Variants in TENM3 observed in about 807,000 individuals in gnomAD.
TENM3 encodes teneurin-3.
A neutral mutation model predicts 255.1 loss-of-function variants in TENM3; 63 were observed. The observed-to-expected ratio is 0.25, with a 90% CI of 0.20 to 0.30. The LOEUF (loss-of-function observed/expected upper bound fraction) is 0.30, where lower values mean the gene tolerates loss of function less well. Among genes scored for constraint, TENM3 ranks in the 10% least tolerant of loss-of-function variants. The pLI, the probability that TENM3 is intolerant of heterozygous loss-of-function variation, is 1.00. For missense variants in TENM3, 2,929 were observed against 3,461.1 expected, an observed-to-expected ratio of 0.85 and a Z score of 3.86; for synonymous variants, 1,306 against 1,322.3, an observed-to-expected ratio of 0.99 and a Z score of 0.27.
intron 1 of TENM3, among the ~76,000 whole-genome samples, chr4:182,229,410 C>T (rs115986890): frequency 1.1e-4 from 16 of 152,160 alleles, no homozygotes; most frequent in Admixed American, 2.0e-4. Context: ...TCTGTGGTCC[C>T]GAGTGGGGAA....
At chr4:182,791,333 C>T (rs1427085305) in intron 25 of TENM3, among the ~76,000 whole-genome samples, 1 of 152,180 alleles carries the variant, frequency 6.6e-6, no homozygotes. Flanking sequence ...TTTGGCCCAG[C>T]GGGTTAGAGG....
At chr4:182,544,280 C>G (rs1424970726) in intron 3 of TENM3, among the ~76,000 whole-genome samples, 1 of 151,714 alleles carries the variant, frequency 6.6e-6, no homozygotes, top group East Asian at 1.9e-4. Flanking sequence ...TCAACTTTCC[C>G]CTGCAAGGCA....
At chr4:181,528,978 A>G in the TENM3 span, among the ~76,000 whole-genome samples, 2 of 152,386 alleles carry the variant, frequency 1.3e-5, no homozygotes, top group Admixed American at 1.3e-4. Flanking sequence ...GTATATGAGT[A>G]GCATAAATAA....
At chr4:182,191,365 C>T (rs921610264) in intron 1 of TENM3, among the ~76,000 whole-genome samples, 4 of 152,228 alleles carry the variant, frequency 2.6e-5, no homozygotes, top group East Asian at 1.9e-4. Flanking sequence ...GCCTTTTCTC[C>T]GGCTCTCTCC....
intron 16 of TENM3, among the ~76,000 whole-genome samples, chr4:182,731,869 C>T (rs904570522): frequency 1.3e-5 from 2 of 151,614 alleles, no homozygotes; most frequent in Admixed American, 6.6e-5. Flanking sequence ...GCAAGCTCCA[C>T]CTCCCGGGTT....
intron 13 of TENM3, among the ~76,000 whole-genome samples, chr4:182,717,416 C>A (rs1018396116): frequency 6.6e-6 from 1 of 152,178 alleles, no homozygotes; most frequent in African/African-American, 2.4e-5. Context: ...AAACAGCTGT[C>A]ATGTACGCTG....
the TENM3 span, among the ~76,000 whole-genome samples, chr4:181,699,472 A>AAT: frequency 4.5e-5 from 6 of 133,000 alleles, no homozygotes; most frequent in African/African-American, 1.8e-4. Context: ...AAAAAAAAAA[A>AAT]GAAAGAAAGA....
chr4:182,737,355 GT>G (rs1761248715), intron 17 of TENM3, among the ~76,000 whole-genome samples: 1 of 152,042 alleles, frequency 6.6e-6, no homozygotes, highest in East Asian at 1.9e-4. Flanking sequence ...CTCCCCCCAT[GT>G]TTCTTTCCTT....
the TENM3 span, among the ~76,000 whole-genome samples, chr4:181,816,848 T>C: frequency 6.6e-6 from 1 of 152,254 alleles, no homozygotes; most frequent in African/African-American, 2.4e-5. Flanking sequence ...CTTGGCTAGA[T>C]TATTGTCATA....
chr4:182,483,769 C>A (rs1397010844), intron 3 of TENM3, among the ~76,000 whole-genome samples: 1 of 151,974 alleles, frequency 6.6e-6, no homozygotes, highest in Admixed American at 6.6e-5. Context: ...GCTGGGGAGG[C>A]CTCAAGAGAC....
chr4:182,143,147 G>C (rs1749595634), upstream of TENM3: 2 of 167,302 alleles, frequency 1.2e-5, no homozygotes, highest in South Asian at 4.1e-4. This position sits in a 1 kb window ranked among gnomAD's most constrained non-coding sequence, Gnocchi z 4.3. Context: ...AATCTGAGGG[G>C]AGAATGGAGA....
the TENM3 span, chr4:182,084,716 A>T: frequency 6.6e-5 from 10 of 152,200 alleles, no homozygotes; most frequent in Non-Finnish European, 1.5e-4. Flanking sequence ...CTTAATTTTT[A>T]TTTACAAGGA....
At position 182,641,646 on chromosome 4, in the gene TENM3, G is replaced by C. The variant is rs528803959; in HGVS notation, c.989-12125G>C. On this transcript the variant is annotated intron_variant, in intron 5 of 27. Transcript: ENST00000511685. ...AGGTTCAAGTGAATCTCCTGCCTCAGCCTCCCGAGTAGCTGGGATTACAAG... is the reference window on the plus strand; with the variant it reads ...AGGTTCAAGTGAATCTCCTGCCTCACCCTCCCGAGTAGCTGGGATTACAAG... Among the ~76,000 whole-genome samples, 6 of 151,956 alleles carry C rather than the reference G, an allele frequency of 3.9e-5. No individual in the cohort carries two copies. The South Asian group carries it at 1.2e-3, about 32-fold the overall frequency.
chr4:182,134,269 A>C, the TENM3 span, among the ~76,000 whole-genome samples: 1 of 152,200 alleles, frequency 6.6e-6, no homozygotes, highest in African/African-American at 2.4e-5. Flanking sequence ...TCTTGAGGCA[A>C]GATTCTAGTA....
At chr4:181,553,351 CATAT>C in the TENM3 span, among the ~76,000 whole-genome samples, 1 of 144,668 alleles carries the variant, frequency 6.9e-6, no homozygotes, top group African/African-American at 2.5e-5. Context: ...CACACACACA[CATAT>C]GTGTAATATA....
chr4:181,937,696 A>G, the TENM3 span, among the ~76,000 whole-genome samples: 2 of 152,170 alleles, frequency 1.3e-5, no homozygotes, highest in African/African-American at 2.4e-5. Flanking sequence ...ACTTTCTTGA[A>G]TTCTTTACTA....
At chr4:182,561,054 C>G (rs1743117796) in intron 3 of TENM3, among the ~76,000 whole-genome samples, 1 of 152,018 alleles carries the variant, frequency 6.6e-6, no homozygotes, top group South Asian at 2.1e-4. Flanking sequence ...GTCTTAAATT[C>G]TGGCCTTTGC....
Position 182,773,597 on chromosome 4 carries a change from G to T in TENM3, c.5018G>T (p.Ser1673Ile). ...TCATCTAGCCGAGAAGAAGATGTCA[G>T]CATCACTTCAAATCTGTCCTCGATC... is the stretch of plus-strand genomic sequence containing the variant. ...IESSSREEDVSITSNLSSIDS... is the reference protein window; with the variant it reads ...IESSSREEDVIITSNLSSIDS... Residue 1673 changes from serine to isoleucine, a missense_variant, in exon 23 of 28, where the codon AGC (serine) becomes ATC (isoleucine). Ser to Ile is a moderately radical substitution (Grantham distance 142). Coordinates refer to ENST00000511685, the MANE Select transcript of TENM3 (RefSeq NM_001080477.4). 1.2e-6 allele frequency: 2 copies of T among 1,613,818 alleles called. No individual in the cohort carries two copies. The highest frequency in any genetic ancestry group is 1.7e-6 in the Non-Finnish European group (2 of 1,179,826).
At chr4:181,957,228 G>A in the TENM3 span, among the ~76,000 whole-genome samples, 1 of 152,118 alleles carries the variant, frequency 6.6e-6, no homozygotes, top group African/African-American at 2.4e-5. Context: ...CGGCCATAGA[G>A]CACTAAGCCC....
Sources: gnomAD v4.1 joint callset for allele counts (sites outside exome capture counted in the v4.1 genomes callset) on GRCh38, gnomAD v4.1.1 for gene constraint, Gnocchi (gnomAD v3.1) non-coding constraint, MANE v1.5 for transcripts, NCBI Gene and HGNC (gene_info 2026-07-23, HGNC 2026-07-21) for gene names.